DPP10: variants seen among roughly 807,000 people sequenced by gnomAD.
The protein encoded by DPP10 is dipeptidyl peptidase like 10, also known as inactive dipeptidyl peptidase 10.
In DPP10, 33 loss-of-function variants were observed where a neutral mutation model predicts 120.9. The observed-to-expected ratio is 0.27, with a 90% CI of 0.21 to 0.37. The LOEUF is 0.37. DPP10 is among the 10% of genes least tolerant of loss of function. The pLI is 1.00. For synonymous variants in DPP10, 337 were observed against 326.1 expected (o/e 1.03, Z -0.36); for missense variants, 816 against 942.8 (o/e 0.87, Z 1.76).
At chr2:115,364,026 GTAGCAAAGGTGGAGGT>G (rs2064940875) in intron 3 of DPP10, among the ~76,000 whole-genome samples, 1 of 37,030 alleles carries the variant, frequency 2.7e-5, no homozygotes, top group African/African-American at 8.2e-5. Flanking sequence ...ATTAAATAAG[GTAGCAAAGGTGGAGGT>G]AGATGCTTCA....
At chr2:115,277,039 T>C (rs754043104) in intron 1 of DPP10, among the ~76,000 whole-genome samples, 2 of 152,190 alleles carry the variant, frequency 1.3e-5, no homozygotes, top group Non-Finnish European at 2.9e-5. Flanking sequence ...ATTTTCTCAA[T>C]TTCAGGTCCA....
At chr2:115,653,037 GA>G (rs148336803) in intron 5 of DPP10, among the ~76,000 whole-genome samples, 9,838 of 152,066 alleles carry the variant, frequency 0.065, 339 homozygotes, top group South Asian at 0.086. Flanking sequence ...GACACAGGGG[GA>G]AAGCACAAAT....
chr2:115,389,487 A>G (rs1398362435), intron 3 of DPP10, among the ~76,000 whole-genome samples: 2 of 152,192 alleles, frequency 1.3e-5, no homozygotes, highest in Non-Finnish European at 2.9e-5. Flanking sequence ...ATTTTCTGCT[A>G]CCTCTCACAT....
chr2:115,764,934 G>A (rs1454561464), intron 12 of DPP10, among the ~76,000 whole-genome samples: 1 of 152,148 alleles, frequency 6.6e-6, no homozygotes, highest in African/African-American at 2.4e-5. Context: ...AAGTAGGCAT[G>A]TTTAGCCTAG....
chr2:115,521,165 AAAAAG>A (rs1401500093), intron 4 of DPP10, among the ~76,000 whole-genome samples: 1 of 152,216 alleles, frequency 6.6e-6, no homozygotes, highest in Admixed American at 6.5e-5. Context: ...AAGGTACAAG[AAAAAG>A]AAAACATGCA....
intron 5 of DPP10, among the ~76,000 whole-genome samples, chr2:115,566,814 C>T (rs2081036045): frequency 6.6e-6 from 1 of 152,168 alleles, no homozygotes; most frequent in South Asian, 2.1e-4. Context: ...TTTCCAGTAT[C>T]TGTCTCTAGC....
chr2:114,982,084 TG>T (rs1700124429), intron 1 of DPP10, among the ~76,000 whole-genome samples: 1 of 151,808 alleles, frequency 6.6e-6, no homozygotes, highest in East Asian at 1.9e-4. Flanking sequence ...TTGGTAGAGA[TG>T]GGGTTTCACC....
intron 5 of DPP10, among the ~76,000 whole-genome samples, chr2:115,646,099 T>TGCGTGCGCGCACACACACACACACAC (rs1449696693): frequency 6.6e-6 from 1 of 150,962 alleles, no homozygotes; most frequent in East Asian, 1.9e-4. Flanking sequence ...CACATGCACG[T>TGCGTGCGCGCACACACACACACACAC]GCGTGCGCGC....
chr2:114,660,129 G>T (rs1014838261), intron 1 of DPP10, among the ~76,000 whole-genome samples: 1 of 152,130 alleles, frequency 6.6e-6, no homozygotes, highest in South Asian at 2.1e-4. Context: ...AGAAGAAGCT[G>T]GTATAGGAAG....
rs1573568004 is a variant in DPP10, at chr2:115,088,870, G to A, written c.61-220369G>A. 4.0e-5 allele frequency among the ~76,000 whole-genome samples: 6 copies of A among 149,720 alleles called. 1 individual carries two copies. The South Asian group carries it at 1.3e-3, about 32-fold the overall frequency. On this transcript the variant is annotated intron_variant, in intron 1 of 25. Transcript: ENST00000410059. ...TTTTCCACTGAGAAATTAGGAAAAT[G>A]TTTAGTGAACTTTTAGCCACATTTA... is the stretch of plus-strand genomic sequence containing the variant.
chr2:115,408,143 A>G (rs1040211355), intron 3 of DPP10, among the ~76,000 whole-genome samples: 1 of 152,028 alleles, frequency 6.6e-6, no homozygotes, highest in South Asian at 2.1e-4. Context: ...CATGTTCACA[A>G]GGGGACTTAG....
chr2:115,126,201 C>G (rs1300866033), intron 1 of DPP10, among the ~76,000 whole-genome samples: 1 of 152,168 alleles, frequency 6.6e-6, no homozygotes, highest in East Asian at 1.9e-4. Flanking sequence ...TCACTGCAAC[C>G]TCTGCCTCCA....
intron 3 of DPP10, among the ~76,000 whole-genome samples, chr2:115,389,723 G>A (rs902133245): frequency 6.6e-6 from 1 of 152,058 alleles, no homozygotes; most frequent in African/African-American, 2.4e-5. Flanking sequence ...AACCTAATGC[G>A]TGAGGCATTT....
At position 114,927,139 on chromosome 2, in the gene DPP10, G is replaced by A. The variant is rs371274328; in HGVS notation, c.61-382100G>A. ...GCTGGGATTACAGGCGTGAGCCACC[G>A]CACCTGGCCAGGGGAAGATACATTT... On this transcript the variant is annotated intron_variant, in intron 1 of 25. Coordinates refer to ENST00000410059, the MANE Select transcript of DPP10 (RefSeq NM_020868.6). Among the ~76,000 whole-genome samples, 15 of 152,120 alleles carry A rather than the reference G, an allele frequency of 9.9e-5. No homozygotes were observed. The East Asian group carries it at 1.2e-3, about 12-fold the overall frequency.
chr2:114,462,365 A>C (rs1165256197), intron 1 of DPP10, among the ~76,000 whole-genome samples: 1 of 152,146 alleles, frequency 6.6e-6, no homozygotes, highest in East Asian at 1.9e-4. Flanking sequence ...CTCCTGTTCC[A>C]GGATCCCCTC....
chr2:114,609,342 C>A (rs1693092081), intron 1 of DPP10, among the ~76,000 whole-genome samples: 1 of 152,270 alleles, frequency 6.6e-6, no homozygotes, highest in East Asian at 1.9e-4. Flanking sequence ...CCTAGGCCAA[C>A]ATTTATCCCC....
chr2:115,742,887 T>C (rs567427436), intron 9 of DPP10, among the ~76,000 whole-genome samples: 126 of 152,156 alleles, frequency 8.3e-4, no homozygotes, highest in African/African-American at 2.8e-3. Context: ...AGTAAACAAA[T>C]ATATTTGTAT....
At chr2:114,976,589 A>T (rs866823242) in intron 1 of DPP10, among the ~76,000 whole-genome samples, 61 of 152,206 alleles carry the variant, frequency 4.0e-4, no homozygotes, top group African/African-American at 1.5e-3. Flanking sequence ...AACTGTGGAT[A>T]GTTTTACATT....
chr2:115,045,452 T>A (rs1255189383), intron 1 of DPP10, among the ~76,000 whole-genome samples: 1 of 152,206 alleles, frequency 6.6e-6, no homozygotes, highest in African/African-American at 2.4e-5. Flanking sequence ...AATGTTGATA[T>A]CTTTCTCTAA....
Sources: gnomAD v4.1 joint callset for allele counts (sites outside exome capture counted in the v4.1 genomes callset) on GRCh38, gnomAD v4.1.1 for gene constraint, MANE v1.5 for transcripts, NCBI Gene and HGNC (gene_info 2026-07-23, HGNC 2026-07-21) for gene names.